ARHGAP18: variants seen among roughly 807,000 people sequenced by gnomAD.
ARHGAP18 encodes rho GTPase-activating protein 18.
Under a neutral mutation model 86.2 loss-of-function variants are expected in ARHGAP18, and 67 were observed. The ratio of observed to expected loss-of-function variants is 0.78; its 90% CI spans 0.64 to 0.95. ARHGAP18 has a LOEUF of 0.95. ARHGAP18 is among the 40% of genes least tolerant of loss of function. The pLI, the probability that ARHGAP18 is intolerant of heterozygous loss-of-function variation, is 0.00. For synonymous variants in ARHGAP18, 283 were observed against 280.4 expected, an observed-to-expected ratio of 1.01 and a Z score of -0.09; for missense variants, 691 against 780.4, an observed-to-expected ratio of 0.89 and a Z score of 1.37.
At chr6:129,652,137 G>A (rs1773727104) in intron 1 of ARHGAP18, among the ~76,000 whole-genome samples, 1 of 152,218 alleles carries the variant, frequency 6.6e-6, no homozygotes, top group African/African-American at 2.4e-5. Context: ...GACAGACTGA[G>A]ACACCCTTCC....
intron 9 of ARHGAP18, 117 bp from the exon 10 acceptor site, chr6:129,606,076 G>GCA: frequency 1.1e-6 from 1 of 887,664 alleles, no homozygotes; most frequent in Non-Finnish European, 1.8e-6. Context: ...TAAAATGTAA[G>GCA]ACACAACGAC....
intron 1 of ARHGAP18, among the ~76,000 whole-genome samples, chr6:129,648,166 AT>A (rs1341330613): frequency 4.0e-5 from 6 of 151,022 alleles, no homozygotes; most frequent in African/African-American, 1.5e-4. Context: ...TTTTTTTTTA[AT>A]TTTTCAATTT....
intron 5 of ARHGAP18, among the ~76,000 whole-genome samples, chr6:129,629,107 G>A (rs1237117385): frequency 6.6e-6 from 1 of 152,014 alleles, no homozygotes; most frequent in African/African-American, 2.4e-5. Flanking sequence ...TCCTGAGCCA[G>A]GTGTGATGGC....
rs187959392 is a variant in ARHGAP18, at chr6:129,611,554, A to G, written c.1101T>C (p.Pro367=). The change falls in exon 8 of 15, where the codon CCT becomes CCC. Residue 367 remains proline (P), a synonymous_variant. Transcript: ENST00000368149. ...TTACCTTGATTCTAATGGCAGCTCCAGGGATCCGTAAGAGGCCTTCTGTTT... is the reference window on the plus strand; with the variant it reads ...TTACCTTGATTCTAATGGCAGCTCCGGGGATCCGTAAGAGGCCTTCTGTTT... ...GLETEGLLRI[P]GAAIRIKNLC... 1.2e-6 allele frequency: 2 copies of G among 1,613,740 alleles called. No homozygotes were observed. Among genetic ancestry groups the G allele is most frequent in the African/African-American group, 1.3e-5 (1 of 75,062 alleles).
chr6:129,594,419 C>G (rs1232820732), intron 12 of ARHGAP18, among the ~76,000 whole-genome samples: 3 of 152,284 alleles, frequency 2.0e-5, no homozygotes, highest in South Asian at 2.1e-4. Flanking sequence ...ACCAGCTCTT[C>G]TTGAATGGCC....
At chr6:129,663,451 C>G (rs537764402) in intron 1 of ARHGAP18, among the ~76,000 whole-genome samples, 17 of 152,160 alleles carry the variant, frequency 1.1e-4, no homozygotes, top group Admixed American at 1.0e-3. Context: ...CTGTTTCCTA[C>G]GCCCCAATAA....
chr6:129,682,258 G>T (rs1774337131), intron 1 of ARHGAP18, among the ~76,000 whole-genome samples: 1 of 152,164 alleles, frequency 6.6e-6, no homozygotes, highest in Non-Finnish European at 1.5e-5. Flanking sequence ...ACATGCCAGG[G>T]TCACAGAAGA....
At chr6:129,700,727 C>CT (rs1238302523) in intron 1 of ARHGAP18, among the ~76,000 whole-genome samples, 1 of 152,056 alleles carries the variant, frequency 6.6e-6, no homozygotes, top group East Asian at 1.9e-4. Context: ...TCAGTCAATC[C>CT]TTAAAATAAG....
intron 1 of ARHGAP18, among the ~76,000 whole-genome samples, chr6:129,654,252 G>T (rs1773782227): frequency 1.3e-5 from 2 of 152,178 alleles, no homozygotes; most frequent in Middle Eastern, 6.8e-3. Flanking sequence ...CTTTTAATAA[G>T]GAAACACAGT....
At chr6:129,674,754 T>C (rs570785995) in intron 1 of ARHGAP18, among the ~76,000 whole-genome samples, 1 of 152,314 alleles carries the variant, frequency 6.6e-6, no homozygotes, top group Admixed American at 6.5e-5. Flanking sequence ...GTTCCTGGAA[T>C]CAATCCCCCA....
intron 1 of ARHGAP18, among the ~76,000 whole-genome samples, chr6:129,680,868 A>G (rs1258566295): frequency 6.6e-6 from 1 of 152,250 alleles, no homozygotes; most frequent in Non-Finnish European, 1.5e-5. Context: ...TCCAAGGAAA[A>G]CAGTGAGGAG....
At chr6:129,709,628 T>C (rs1456630878) in intron 1 of ARHGAP18, among the ~76,000 whole-genome samples, 2 of 152,258 alleles carry the variant, frequency 1.3e-5, no homozygotes, top group East Asian at 3.8e-4. Context: ...GCCTCCCTGC[T>C]TTTTGGCAGA....
intron 1 of ARHGAP18, among the ~76,000 whole-genome samples, chr6:129,691,745 T>C (rs1421833430): frequency 6.6e-6 from 1 of 152,132 alleles, no homozygotes; most frequent in Non-Finnish European, 1.5e-5. Flanking sequence ...ATTCACATAA[T>C]TGTGGAAGTC....
intron 2 of ARHGAP18, among the ~76,000 whole-genome samples, chr6:129,639,161 G>A (rs13217571): frequency 0.2 from 30,028 of 152,080 alleles, 3,250 homozygotes; most frequent in Non-Finnish European, 0.24. Flanking sequence ...AATCTTCCAA[G>A]TCAGCACATC....
chr6:129,620,409 G>A (rs1353007575), intron 5 of ARHGAP18, among the ~76,000 whole-genome samples: 1 of 152,188 alleles, frequency 6.6e-6, no homozygotes. Flanking sequence ...AATAAAGTGG[G>A]ACTAAGATGT....
intron 12 of ARHGAP18, among the ~76,000 whole-genome samples, chr6:129,592,429 C>T (rs1160175379): frequency 1.3e-5 from 2 of 152,226 alleles, no homozygotes; most frequent in African/African-American, 4.8e-5. Context: ...TTCTTTTTCA[C>T]ATCCATAGCC....
intron 1 of ARHGAP18, among the ~76,000 whole-genome samples, chr6:129,674,003 A>C (rs948786940): frequency 4.6e-5 from 7 of 152,162 alleles, no homozygotes; most frequent in African/African-American, 1.7e-4. Flanking sequence ...AAAAAGATAG[A>C]AACTGATTTG....
At position 129,654,131 on chromosome 6, in the gene ARHGAP18, A is replaced by G. The variant is rs367591967; in HGVS notation, c.114-12113T>C. 6.6e-4 allele frequency among the ~76,000 whole-genome samples: 100 copies of G among 152,344 alleles called. No individual in the cohort carries two copies. The Middle Eastern group carries it at 0.01, about 16-fold the overall frequency. On this transcript the variant is annotated intron_variant, in intron 1 of 14. Transcript: ENST00000368149. ...TTTAGAGGATAGGAACAGAGCTCAT[A>G]GGGCAGTGAGGCCTAACATGAATAT...
At chr6:129,609,695 G>T (rs906101312) in intron 8 of ARHGAP18, among the ~76,000 whole-genome samples, 1 of 152,054 alleles carries the variant, frequency 6.6e-6, no homozygotes, top group Non-Finnish European at 1.5e-5. Flanking sequence ...GTGAGACAAT[G>T]ACAAGCTATG....
Sources: gnomAD v4.1 joint callset for allele counts (sites outside exome capture counted in the v4.1 genomes callset) on GRCh38, gnomAD v4.1.1 for gene constraint, MANE v1.5 for transcripts, NCBI Gene and HGNC (gene_info 2026-07-23, HGNC 2026-07-21) for gene names.